Variants in PVT1 observed in about 807,000 individuals in gnomAD.
The protein encoded by PVT1 is CXCR4/PVT1 fusion.
chr8:127,896,350 C>T (rs944680381), intron 3 of PVT1, among the ~76,000 whole-genome samples: 10 of 152,074 alleles, frequency 6.6e-5, no homozygotes, highest in Non-Finnish European at 1.5e-4. Flanking sequence ...CTGAATTACA[C>T]ACAGGCCTCA....
chr8:128,074,633 AC>A (rs1253382883), intron 5 of PVT1, among the ~76,000 whole-genome samples: 7 of 151,776 alleles, frequency 4.6e-5, no homozygotes, highest in African/African-American at 1.7e-4. Context: ...TGTGGTTTTG[AC>A]AGAATAGTTG....
intron 2 of PVT1, among the ~76,000 whole-genome samples, chr8:127,833,844 G>A (rs1264327317): frequency 2.0e-5 from 3 of 152,156 alleles, no homozygotes; most frequent in Non-Finnish European, 4.4e-5. Flanking sequence ...AATATTATCA[G>A]TCCTGTAGTC....
rs529785363 is a variant in PVT1 at position 127,831,434 on chromosome 8, G to T, written n.372+35363G>T. 3.3e-3 allele frequency among the ~76,000 whole-genome samples: 502 copies of T among 152,280 alleles called. 3 individuals are homozygous for T. Among genetic ancestry groups the T allele is most frequent in the Non-Finnish European group, 4.4e-3 (301 of 68,028 alleles). ...TGTGCAGGCATGTTAAATTGCAGAT[G>T]CCCATTAATGGCCACAGGAGATGCC... On this transcript the variant is annotated intron_variant and non_coding_transcript_variant, in intron 2 of 10. Transcript: ENST00000651587.
intron 2 of PVT1, among the ~76,000 whole-genome samples, chr8:127,875,760 T>G (rs1319429195): frequency 6.6e-6 from 1 of 152,136 alleles, no homozygotes; most frequent in African/African-American, 2.4e-5. Context: ...AGCAACTGCT[T>G]CCAAGGGAAG....
At chr8:127,889,173 A>G (rs1815567878) in intron 2 of PVT1, among the ~76,000 whole-genome samples, 1 of 145,822 alleles carries the variant, frequency 6.9e-6, no homozygotes, top group Non-Finnish European at 1.5e-5. Flanking sequence ...TCTGTGGCCC[A>G]GGCTGGAATG....
chr8:127,797,736 T>A (rs930735558), intron 2 of PVT1, among the ~76,000 whole-genome samples: 2 of 152,192 alleles, frequency 1.3e-5, no homozygotes, highest in South Asian at 4.1e-4. Flanking sequence ...TACAACTCCA[T>A]GAGGCATTTA....
chr8:127,933,799 A>G (rs761995399), intron 3 of PVT1, among the ~76,000 whole-genome samples: 1 of 152,152 alleles, frequency 6.6e-6, no homozygotes, highest in Non-Finnish European at 1.5e-5. Context: ...CTGTGTGGGG[A>G]TGTTGCCTCC....
chr8:127,833,057 C>T (rs2129701613), intron 2 of PVT1, among the ~76,000 whole-genome samples: 1 of 152,248 alleles, frequency 6.6e-6, no homozygotes. Context: ...TAGGAGGGGA[C>T]AGTGGGCAAC....
At chr8:127,812,798 C>T (rs1377296728) in intron 2 of PVT1, among the ~76,000 whole-genome samples, 2 of 152,216 alleles carry the variant, frequency 1.3e-5, no homozygotes, top group African/African-American at 4.8e-5. Context: ...CAGCATTTCC[C>T]GTCTTGTTAT....
At chr8:128,058,810 C>T (rs1298291675) in intron 4 of PVT1, among the ~76,000 whole-genome samples, 1 of 152,148 alleles carries the variant, frequency 6.6e-6, no homozygotes, top group Non-Finnish European at 1.5e-5. Flanking sequence ...CCCAGCATGA[C>T]AGACGACCAT....
rs75656813 is a variant in PVT1 at position 127,944,351 on chromosome 8, G to A, written n.783-44811G>A. 4.3e-3 allele frequency among the ~76,000 whole-genome samples: 649 copies of A among 152,234 alleles called. 4 individuals are homozygous for A. Among genetic ancestry groups the A allele is most frequent in the African/African-American group, 0.015 (620 of 41,540 alleles). On this transcript the variant is annotated intron_variant and non_coding_transcript_variant, in intron 3 of 10. Coordinates refer to ENST00000651587, the Ensembl canonical transcript of PVT1. ...GTGGCTTAGAGGCTGAGCATGGATT[G>A]TGATTTAAGGAAGCCCCAGGTTCAA... is the stretch of plus-strand genomic sequence containing the variant.
intron 4 of PVT1, among the ~76,000 whole-genome samples, chr8:128,041,122 TTGTGCATGTG>T (rs1242108855): frequency 3.3e-5 from 5 of 151,102 alleles, no homozygotes; most frequent in Admixed American, 3.3e-4. Context: ...GTGTATATGT[TTGTGCATGTG>T]TGTGCATGTG....
At chr8:128,072,111 G>C (rs1458954237) in intron 5 of PVT1, among the ~76,000 whole-genome samples, 1 of 152,176 alleles carries the variant, frequency 6.6e-6, no homozygotes, top group Non-Finnish European at 1.5e-5. Flanking sequence ...CCAAAAGTTA[G>C]TTATTAAGTA....
At chr8:127,950,108 T>G (rs773898177) in intron 3 of PVT1, among the ~76,000 whole-genome samples, 1 of 152,254 alleles carries the variant, frequency 6.6e-6, no homozygotes, top group African/African-American at 2.4e-5. Flanking sequence ...GCACTTTACA[T>G]GAATCTTCTC....
At chr8:127,832,753 G>A (rs901360973) in intron 2 of PVT1, among the ~76,000 whole-genome samples, 12 of 152,160 alleles carry the variant, frequency 7.9e-5, no homozygotes, top group Non-Finnish European at 1.5e-4. Flanking sequence ...AGCTACTTGG[G>A]AGGCTGAGGC....
intron 4 of PVT1, among the ~76,000 whole-genome samples, chr8:128,025,902 A>G (rs1347929286): frequency 6.6e-6 from 1 of 151,972 alleles, no homozygotes; most frequent in East Asian, 1.9e-4. Flanking sequence ...TAGAATAAGT[A>G]TCAGAGCAGA....
intron 4 of PVT1, chr8:128,049,285 G>A (rs778491052): frequency 2.0e-6 from 1 of 492,036 alleles, no homozygotes; most frequent in Non-Finnish European, 4.1e-6. Flanking sequence ...TTTGCGTCTT[G>A]GAGCCACTGA....
intron 3 of PVT1, among the ~76,000 whole-genome samples, chr8:127,963,962 G>A (rs964749151): frequency 6.6e-6 from 1 of 152,202 alleles, no homozygotes; most frequent in Non-Finnish European, 1.5e-5. Flanking sequence ...GTCCAGTAAC[G>A]TTTGTCAGGG....
intron 2 of PVT1, among the ~76,000 whole-genome samples, chr8:127,872,961 C>T (rs1815368786): frequency 6.6e-6 from 1 of 152,216 alleles, no homozygotes; most frequent in East Asian, 1.9e-4. Context: ...CTGTCCATTT[C>T]CTGATCTGTT....
Sources: allele counts gnomAD v4.1 joint callset (sites outside exome capture counted in the v4.1 genomes callset), GRCh38; gene constraint gnomAD v4.1.1; transcripts MANE v1.5; gene names NCBI Gene and HGNC (gene_info 2026-07-23, HGNC 2026-07-21).